Variants in BBS9 observed in about 807,000 individuals in gnomAD.
BBS9 encodes the protein protein PTHB1.
BBS9 carries 89 observed loss-of-function variants against 117.7 expected under a neutral mutation model. The ratio of observed to expected loss-of-function variants is 0.76; its 90% CI spans 0.64 to 0.90. The LOEUF is 0.90. Ranked by LOEUF, BBS9 falls within the 40% of genes least tolerant of loss-of-function variation. The pLI, the probability that BBS9 is intolerant of heterozygous loss-of-function variation, is 0.00. For synonymous variants in BBS9, 379 were observed against 370.9 expected (o/e 1.02, Z -0.25); for missense variants, 982 against 1,042.2 (o/e 0.94, Z 0.80).
chr7:33,400,991 A>G (rs1460497318), intron 19 of BBS9, among the ~76,000 whole-genome samples: 1 of 152,178 alleles, frequency 6.6e-6, no homozygotes, highest in Non-Finnish European at 1.5e-5. Flanking sequence ...ATCAATACCT[A>G]TCCAACTTTA....
At chr7:33,290,270 C>A in intron 9 of BBS9, among the ~76,000 whole-genome samples, 1 of 152,076 alleles carries the variant, frequency 6.6e-6, no homozygotes, top group East Asian at 1.9e-4. Context: ...AACGTGCATG[C>A]CATGTGAATG....
chr7:33,144,347 C>T (rs1358765517), intron 1 of BBS9, among the ~76,000 whole-genome samples: 1 of 152,160 alleles, frequency 6.6e-6, no homozygotes, highest in Non-Finnish European at 1.5e-5. Context: ...AGAGCTGATC[C>T]TCATTATTGG....
chr7:33,418,452 T>TA (rs1563150268), intron 19 of BBS9, among the ~76,000 whole-genome samples: 1 of 152,180 alleles, frequency 6.6e-6, no homozygotes, highest in Non-Finnish European at 1.5e-5. Context: ...CTCAGACTCG[T>TA]GTTCTATTTC....
chr7:33,501,086 G>C (rs1417231629), intron 19 of BBS9, among the ~76,000 whole-genome samples: 1 of 152,160 alleles, frequency 6.6e-6, no homozygotes, highest in Non-Finnish European at 1.5e-5. Context: ...ATCTTGCTCA[G>C]CCAGTGATGC....
At chr7:33,304,355 G>C (rs1446590533) in intron 9 of BBS9, among the ~76,000 whole-genome samples, 2 of 137,166 alleles carry the variant, frequency 1.5e-5, no homozygotes, top group African/African-American at 6.0e-5. Context: ...CACCCCGTCT[G>C]GGAGGTGAGG....
intron 9 of BBS9, among the ~76,000 whole-genome samples, chr7:33,321,249 A>G (rs1168439663): frequency 6.6e-6 from 1 of 151,102 alleles, no homozygotes; most frequent in East Asian, 1.9e-4. Context: ...AAATCACTGG[A>G]TTTTTTTTTG....
intron 5 of BBS9, among the ~76,000 whole-genome samples, chr7:33,247,648 T>C (rs957497720): frequency 2.0e-5 from 3 of 152,210 alleles, no homozygotes; most frequent in Non-Finnish European, 4.4e-5. Flanking sequence ...TACATTGTTG[T>C]ACTATTTAAT....
chr7:33,389,497 G>A (rs1826636141), intron 19 of BBS9, among the ~76,000 whole-genome samples: 1 of 151,900 alleles, frequency 6.6e-6, no homozygotes, highest in South Asian at 2.1e-4. Context: ...AGACCATCCT[G>A]GTTAATACAG....
chr7:33,551,734 G>A (rs1432180759), intron 21 of BBS9, among the ~76,000 whole-genome samples: 1 of 152,148 alleles, frequency 6.6e-6, no homozygotes, highest in Admixed American at 6.6e-5. Context: ...TTCAGACAGC[G>A]AAAAGTGCAG....
Position 33,177,510 on chromosome 7 carries a change from T to C in BBS9, c.361T>C (p.Cys121Arg), listed in dbSNP as rs768515615. The change falls in exon 5 of 23, where the codon TGT becomes CGT. Residue 121 changes from cysteine to arginine, a missense_variant. Coordinates refer to ENST00000242067, the MANE Select transcript of BBS9 (RefSeq NM_198428.3). ...TLGNVEHGNQ[C>R]QMKLMYEHNL... ...GGGTAATGTGGAACATGGGAACCAA[T>C]GTCAGATGAAATTGATGTATGAACA... 1 of 1,612,992 alleles carries C rather than the reference T, an allele frequency of 6.2e-7. No individual in the cohort carries two copies. Among genetic ancestry groups the C allele is most frequent in the Non-Finnish European group, 8.5e-7 (1 of 1,179,542 alleles).
At chr7:33,343,115 C>G (rs1002716651) in intron 11 of BBS9, among the ~76,000 whole-genome samples, 3 of 152,250 alleles carry the variant, frequency 2.0e-5, no homozygotes, top group East Asian at 3.9e-4. Flanking sequence ...CTCATTACAT[C>G]ATAGAATCCC....
At chr7:33,239,443 C>T (rs573328512) in intron 5 of BBS9, among the ~76,000 whole-genome samples, 2,209 of 151,784 alleles carry the variant, frequency 0.015, 34 homozygotes, top group Non-Finnish European at 0.021. Context: ...CAGAGTCTTG[C>T]TCTGTCACCA....
At chr7:33,562,133 A>C (rs1369763655) in intron 21 of BBS9, among the ~76,000 whole-genome samples, 1 of 152,168 alleles carries the variant, frequency 6.6e-6, no homozygotes, top group African/African-American at 2.4e-5. Flanking sequence ...TATTAATGAT[A>C]CTCTGCCTTT....
intron 4 of BBS9, among the ~76,000 whole-genome samples, chr7:33,166,579 C>T (rs6953193): frequency 0.15 from 22,437 of 152,300 alleles, 1,955 homozygotes; most frequent in South Asian, 0.21. Flanking sequence ...GGATGCCCCT[C>T]CCCCTGCCAG....
intron 21 of BBS9, among the ~76,000 whole-genome samples, chr7:33,619,567 A>G (rs1865305149): frequency 6.6e-6 from 1 of 152,122 alleles, no homozygotes; most frequent in East Asian, 1.9e-4. Flanking sequence ...ATATTTTTGA[A>G]TGCACATGGA....
intron 5 of BBS9, among the ~76,000 whole-genome samples, chr7:33,195,437 G>T (rs1784787188): frequency 6.6e-6 from 1 of 152,062 alleles, no homozygotes; most frequent in Non-Finnish European, 1.5e-5. Flanking sequence ...TCCCATAGTG[G>T]TAAAGTGAGG....
rs376077272 is a variant in BBS9, at chr7:33,203,996, TAC to T, written c.442+26407_442+26408del. 6.9e-3 allele frequency among the ~76,000 whole-genome samples: 1,044 copies of T among 151,618 alleles called. 13 individuals are homozygous for T. The highest frequency in any genetic ancestry group is 0.024 in the African/African-American group (992 of 41,382). On this transcript the variant is annotated intron_variant, in intron 5 of 22. Coordinates refer to ENST00000242067, the MANE Select transcript of BBS9 (RefSeq NM_198428.3). ...CCTCGGCCTCCCAAAGTGCTGGGATTACAGTCGTGAGCCACCACGCCCGGCCA... is the reference window on the plus strand; with the variant it reads ...CCTCGGCCTCCCAAAGTGCTGGGATTAGTCGTGAGCCACCACGCCCGGCCA...
At chr7:33,246,879 T>C (rs1795419309) in intron 5 of BBS9, among the ~76,000 whole-genome samples, 1 of 152,182 alleles carries the variant, frequency 6.6e-6, no homozygotes, top group Non-Finnish European at 1.5e-5. Context: ...ACACTCACAA[T>C]ATTCTTCTTT....
At chr7:33,387,736 A>G (rs1210561671) in intron 18 of BBS9, among the ~76,000 whole-genome samples, 1 of 152,156 alleles carries the variant, frequency 6.6e-6, no homozygotes, top group East Asian at 1.9e-4. Context: ...TTATTGAAAA[A>G]CACTTATTAA....
Sources: gnomAD v4.1 joint callset for allele counts (sites outside exome capture counted in the v4.1 genomes callset) on GRCh38, gnomAD v4.1.1 for gene constraint, MANE v1.5 for transcripts, NCBI Gene and HGNC (gene_info 2026-07-23, HGNC 2026-07-21) for gene names.